The following SYNE1 variants were observed in gnomAD, a reference collection of about 807,000 sequenced individuals.
SYNE1 encodes nesprin-1.
Under a neutral mutation model 1,111.0 loss-of-function variants are expected in SYNE1, and 616 were observed. That is an observed-to-expected ratio of 0.55 (90% confidence interval 0.52 to 0.59). The LOEUF is 0.59. SYNE1 is among the 20% of genes least tolerant of loss of function. The pLI is 0.00. For missense variants in SYNE1, 10,006 were observed against 10,417.0 expected, an observed-to-expected ratio of 0.96 and a Z score of 1.72; for synonymous variants, 3,855 against 3,825.8, an observed-to-expected ratio of 1.01 and a Z score of -0.28.
intron 25 of SYNE1, 132 bp downstream of exon 25, chr6:152,453,454 G>T (rs2154254046): frequency 7.3e-7 from 1 of 1,378,126 alleles, no homozygotes; most frequent in Non-Finnish European, 1.0e-6. Flanking sequence ...AGTTTTTTGA[G>T]TTTTTAAATG....
At chr6:152,238,176 CCCAGGTGTGT>C (rs1401538963) in intron 108 of SYNE1, among the ~76,000 whole-genome samples, 1 of 152,106 alleles carries the variant, frequency 6.6e-6, no homozygotes, top group Non-Finnish European at 1.5e-5. Context: ...GGAGGGAGTG[CCCAGGTGTGT>C]GCCTGGTGGG....
chr6:152,623,024 T>C (rs111840109), intron 3 of SYNE1, among the ~76,000 whole-genome samples: 49 of 152,096 alleles, frequency 3.2e-4, no homozygotes, highest in Admixed American at 7.9e-4. Context: ...ATGCTGAGCT[T>C]TTTTTCATAT....
At chr6:152,413,283 C>A in intron 42 of SYNE1, 69 bp downstream of exon 42, 4 of 1,510,634 alleles carry the variant, frequency 2.6e-6, no homozygotes, top group Non-Finnish European at 3.7e-6. Context: ...CAACACAAAA[C>A]AGGCAATGTC....
At chr6:152,201,232 G>A (rs1429539697) in intron 127 of SYNE1, among the ~76,000 whole-genome samples, 2 of 152,092 alleles carry the variant, frequency 1.3e-5, no homozygotes, top group African/African-American at 4.8e-5. Context: ...GAATTGTGTT[G>A]GTCTCGGTGA....
Position 152,310,711 on chromosome 6 carries a change from G to A in SYNE1, c.16873C>T (p.Gln5625Ter). The stretch of plus-strand genomic sequence containing the variant: ...ACCTTAGCTGCATCTTGGAGGTTCT[G>A]CAAACGAATTTTGATCATCTGTCGC... ...ELRQMIKIRL[Q>*]NLQDAAKDMK... The change falls in exon 88 of 146, where the codon CAG becomes TAG. Residue 5625 changes from glutamine to a stop codon, truncating the protein, a stop_gained. Coordinates refer to ENST00000367255, the MANE Select transcript of SYNE1 (RefSeq NM_182961.4). LOFTEE classifies it high-confidence loss of function. The A allele has an allele frequency of 6.2e-7, 1 of 1,613,068 alleles. No homozygotes were observed. Among genetic ancestry groups the A allele is most frequent in the Non-Finnish European group, 8.5e-7 (1 of 1,179,858 alleles).
chr6:152,446,107 A>C (rs1233679247), intron 29 of SYNE1, among the ~76,000 whole-genome samples: 1 of 131,660 alleles, frequency 7.6e-6, no homozygotes, highest in East Asian at 2.6e-4. Flanking sequence ...AAAGACAGTC[A>C]ATTTTTTTTT....
At chr6:152,335,526 A>G (rs1034335249) in intron 76 of SYNE1, 2 of 152,200 alleles carry the variant, frequency 1.3e-5, no homozygotes, top group African/African-American at 4.8e-5. Context: ...GAGAAAAAAT[A>G]AATCTTATTA....
chr6:152,311,034 A>G (rs756143098), intron 87 of SYNE1, 161 bp from the exon 88 acceptor site: 7 of 698,822 alleles, frequency 1.0e-5, no homozygotes, highest in African/African-American at 1.8e-5. Flanking sequence ...GCCACTTACT[A>G]TTATAACTAT....
chr6:152,425,453 A>G lies in SYNE1; in HGVS notation c.5195T>C (p.Val1732Ala). The change falls in exon 39 of 146, where the codon GTG (valine) becomes GCG (alanine). Residue 1732 changes from valine to alanine, a missense_variant. This residue lies in a region of SYNE1 where 1,971 missense variants were observed against 2,084.1 expected (regional missense o/e 0.95). Coordinates refer to ENST00000367255, the MANE Select transcript of SYNE1 (RefSeq NM_182961.4). ...SLFSVASKDD[V>A]KMMKLHLEQL... ...CTCCAAATGTAGTTTCATCATTTTCACATCATCTTTGGAGGCTACTGAGAA... is the reference window on the plus strand; with the variant it reads ...CTCCAAATGTAGTTTCATCATTTTCGCATCATCTTTGGAGGCTACTGAGAA... 6.2e-7 allele frequency: 1 copy of G among 1,614,196 alleles called. No individual in the cohort carries two copies. Among genetic ancestry groups the G allele is most frequent in the Non-Finnish European group, 8.5e-7 (1 of 1,180,014 alleles).
chr6:152,410,360 G>A (rs2098003824), intron 42 of SYNE1: 1 of 151,558 alleles, frequency 6.6e-6, no homozygotes, highest in Admixed American at 6.6e-5. Context: ...GTACTTGGAT[G>A]GGAGACCCTC....
Position 152,435,968 on chromosome 6 carries a change from T to C in SYNE1, c.4283A>G (p.Lys1428Arg), listed in dbSNP as rs1334837005. 2 of 1,614,166 alleles carry C rather than the reference T, an allele frequency of 1.2e-6. No individual in the cohort carries two copies. The highest frequency in any genetic ancestry group is 1.7e-5 in the Admixed American group (1 of 60,024). ...TTCTTCAAGCGTGTCTTCTAATTTT[T>C]TGACTTGTTCTTTGATTGACTTGGC... is the stretch of plus-strand genomic sequence containing the variant. ...QQAKSIKEQVKKLEDTLEEDI... is the reference protein window; with the variant it reads ...QQAKSIKEQVRKLEDTLEEDI... The change falls in exon 33 of 146, where the codon AAA becomes AGA. Residue 1428 changes from lysine to arginine, a missense_variant. Physicochemically the swap from Lys to Arg is conservative, Grantham distance 26. Transcript: ENST00000367255.
intron 55 of SYNE1, among the ~76,000 whole-genome samples, chr6:152,383,386 G>A (rs1460433921): frequency 1.3e-5 from 2 of 152,310 alleles, no homozygotes; most frequent in South Asian, 4.2e-4. Context: ...CTAAATCCAT[G>A]TAACCTGGTT....
At chr6:152,233,170 T>G (rs2083181657) in intron 112 of SYNE1, among the ~76,000 whole-genome samples, 1 of 152,228 alleles carries the variant, frequency 6.6e-6, no homozygotes, top group Admixed American at 6.5e-5. Flanking sequence ...CCACTCACTT[T>G]ATGAGAAAAG....
rs748474553 is a variant in SYNE1 at position 152,133,477 on chromosome 6, A to T, written c.25800T>A (p.His8600Gln). The T allele has an allele frequency of 1.2e-6, 2 of 1,614,226 alleles. No homozygotes were observed. The highest frequency in any genetic ancestry group is 1.7e-6 in the Non-Finnish European group (2 of 1,180,036). ...CTCTGAGTTGGGATTCCAACAGCTC[A>T]TGCTTTATTTGCTATGCATACAAAA... The part of the protein sequence containing the change: ...DHHKQLMQIK[H>Q]ELLESQLRVA... Residue 8600 changes from histidine (H) to glutamine (Q), a missense_variant, in exon 143 of 146, where the codon CAT becomes CAA. This residue lies in a region of SYNE1 where 761 missense variants were observed against 795.5 expected (regional missense o/e 0.96). Transcript: ENST00000367255.
intron 18 of SYNE1, among the ~76,000 whole-genome samples, chr6:152,464,246 C>A (rs1259827069): frequency 2.0e-5 from 3 of 152,196 alleles, no homozygotes; most frequent in African/African-American, 7.2e-5. Flanking sequence ...TGCACACGCA[C>A]ACACACAACA....
chr6:152,232,899 T>C (rs531450180), intron 112 of SYNE1, among the ~76,000 whole-genome samples: 2 of 152,350 alleles, frequency 1.3e-5, no homozygotes, highest in South Asian at 2.1e-4. Context: ...CTGAAAGATA[T>C]AGCAATGAAC....
intron 130 of SYNE1, among the ~76,000 whole-genome samples, chr6:152,172,177 G>T (rs1025627796): frequency 3.9e-5 from 6 of 152,176 alleles, no homozygotes; most frequent in Non-Finnish European, 7.3e-5. Context: ...AAGTGGGGAA[G>T]GAAGAGGAGG....
chr6:152,278,469 T>C (rs1295348611), intron 97 of SYNE1, among the ~76,000 whole-genome samples, 189 bp from the exon 98 acceptor site: 2 of 151,962 alleles, frequency 1.3e-5, no homozygotes, highest in East Asian at 1.9e-4. Context: ...TTTTAATTTA[T>C]TTTTATTTTT....
At chr6:152,456,913 T>C in intron 22 of SYNE1, 1 of 246,420 alleles carries the variant, frequency 4.1e-6, no homozygotes, top group South Asian at 4.2e-5. Context: ...AAAAACAGAA[T>C]AAAGACATAC....
Sources: allele counts gnomAD v4.1 joint callset (sites outside exome capture counted in the v4.1 genomes callset), GRCh38; gene constraint gnomAD v4.1.1; regional missense constraint gnomAD v4.1.1; transcripts MANE v1.5; gene names NCBI Gene and HGNC (gene_info 2026-07-23, HGNC 2026-07-21).